The following TLK1 variants were observed in gnomAD, a reference collection of about 807,000 sequenced individuals.
TLK1 encodes serine/threonine-protein kinase tousled-like 1.
In TLK1, 24 loss-of-function variants were observed where a neutral mutation model predicts 105.3. That is an observed-to-expected ratio of 0.23 (90% CI 0.17 to 0.32). The LOEUF is 0.32. Ranked by LOEUF, TLK1 falls within the 10% of genes least tolerant of loss-of-function variation. TLK1 has a pLI of 1.00. For missense variants in TLK1, 558 were observed against 910.5 expected, an observed-to-expected ratio of 0.61 and a Z score of 4.98; for synonymous variants, 321 against 310.4, an observed-to-expected ratio of 1.03 and a Z score of -0.36.
At chr2:171,111,218 T>C (rs1323720303) in intron 2 of TLK1, among the ~76,000 whole-genome samples, 1 of 151,988 alleles carries the variant, frequency 6.6e-6, no homozygotes, top group Non-Finnish European at 1.5e-5. Context: ...TACTAGTAAG[T>C]TTAAAAGCTT....
Position 171,015,748 on chromosome 2 carries a change from C to A in TLK1, c.1237-800G>T, listed in dbSNP as rs192565365. On this transcript the variant is annotated intron_variant, in intron 12 of 20. Coordinates refer to ENST00000431350, the MANE Select transcript of TLK1 (RefSeq NM_012290.5). ...ACACACACACCCACCCCTTTTTTGT[C>A]AATACAAATTTGAATACTACTTAAA... is the stretch of plus-strand genomic sequence containing the variant. 2.4e-3 allele frequency among the ~76,000 whole-genome samples: 368 copies of A among 150,704 alleles called. 3 individuals carry two copies. The highest frequency in any genetic ancestry group is 8.8e-3 in the African/African-American group (361 of 40,926).
rs1255826695 is a variant in TLK1 at position 171,226,490 on chromosome 2, A to G, written c.-6+4655T>C. ...GGGTAATGAGGGCCATGTTTTCCATATAAAACTCACTTCATGAGAATATGA... is the reference window on the plus strand; with the variant it reads ...GGGTAATGAGGGCCATGTTTTCCATGTAAAACTCACTTCATGAGAATATGA... On this transcript the variant is annotated intron_variant, in intron 1 of 20. Coordinates refer to the TLK1 transcript ENST00000521943. Among the ~76,000 whole-genome samples the G allele has an allele frequency of 2.6e-5, 4 of 152,186 alleles. No individual in the cohort carries two copies. In the East Asian group the frequency reaches 7.7e-4, roughly 29 times the overall value.
intron 12 of TLK1, chr2:171,022,791 A>G (rs538878768): frequency 1.3e-5 from 3 of 231,306 alleles, no homozygotes; most frequent in South Asian, 5.8e-5. Flanking sequence ...TAAGGGTTTG[A>G]TAAGTCAGAT....
chr2:171,119,152 C>A (rs1323711312), intron 1 of TLK1, among the ~76,000 whole-genome samples: 1 of 152,156 alleles, frequency 6.6e-6, no homozygotes, highest in African/African-American at 2.4e-5. Flanking sequence ...TAGAAGTCTA[C>A]CTTAGCCTCA....
Position 171,194,710 on chromosome 2 carries a change from C to T in TLK1, c.-6+36435G>A, listed in dbSNP as rs192804452. 7.0e-3 allele frequency among the ~76,000 whole-genome samples: 845 copies of T among 120,054 alleles called. 6 individuals are homozygous for T. Among genetic ancestry groups the T allele is most frequent in the African/African-American group, 0.033 (779 of 23,692 alleles). The allele number at this position is 120,054 out of a possible 152,430, so 78.8% of individuals were successfully genotyped here. A position where few individuals can be genotyped will look rare whatever the true frequency, so the allele number is the denominator to read the frequency against. Reference sequence around the variant, plus strand: ...CGGGCGCCTGTAGTCCCAGCTACTCCGGAGGCTGAGGCAGGAGAATGGCGT... The same window carrying T: ...CGGGCGCCTGTAGTCCCAGCTACTCTGGAGGCTGAGGCAGGAGAATGGCGT... On this transcript the variant is annotated intron_variant, in intron 1 of 20. Coordinates refer to the TLK1 transcript ENST00000521943.
At chr2:171,147,346 C>G (rs544900794) in intron 1 of TLK1, among the ~76,000 whole-genome samples, 112 of 152,306 alleles carry the variant, frequency 7.4e-4, no homozygotes, top group African/African-American at 2.4e-3. Flanking sequence ...ACAACAGTGA[C>G]AACAGAGATT....
chr2:171,224,439 ATT>A (rs139873555), intron 1 of TLK1, among the ~76,000 whole-genome samples: 8,342 of 150,174 alleles, frequency 0.056, 488 homozygotes, highest in East Asian at 0.25. Flanking sequence ...AAATTTCATA[ATT>A]TTTTTTTTCT....
In TLK1 at chr2:171,053,782, T is replaced by C; in HGVS notation, c.711A>G (p.Gly237=). 1 of 1,609,488 alleles carries C rather than the reference T, an allele frequency of 6.2e-7. No individual in the cohort carries two copies. The change falls in exon 8 of 21, where the codon GGA becomes GGG. Residue 237 remains glycine, a synonymous_variant. Transcript: ENST00000431350. ...TTACCCTGAGCAAATCATCTATACG[T>C]CCCTCCTTCTTTTCCAGGTCCTGGA... The part of the protein sequence containing the change: ...NKIQDLEKKE[G]RIDDLLRANC...
intron 3 of TLK1, among the ~76,000 whole-genome samples, chr2:171,068,296 T>G (rs1405563217): frequency 6.6e-6 from 1 of 151,936 alleles, no homozygotes; most frequent in Admixed American, 6.6e-5. Flanking sequence ...GCCATTGCAC[T>G]CCAGCCTGGG....
chr2:171,173,440 T>G (rs1032464089), intron 1 of TLK1, among the ~76,000 whole-genome samples: 1 of 152,040 alleles, frequency 6.6e-6, no homozygotes, highest in Non-Finnish European at 1.5e-5. Context: ...CAGGCTGTAG[T>G]GCACTGGTTT....
chr2:171,146,572 C>T (rs1691800242), intron 1 of TLK1, among the ~76,000 whole-genome samples: 1 of 152,140 alleles, frequency 6.6e-6, no homozygotes, highest in South Asian at 2.1e-4. Flanking sequence ...ATTAACATCA[C>T]TACCATATAT....
chr2:171,163,117 T>A (rs1240248699), upstream of TLK1, among the ~76,000 whole-genome samples: 1 of 152,238 alleles, frequency 6.6e-6, no homozygotes, highest in Non-Finnish European at 1.5e-5. Context: ...CACTCGACAT[T>A]ATTTTTTTGA....
chr2:171,014,918 G>A lies in TLK1; in HGVS notation c.1267C>T (p.Arg423Cys), dbSNP rs200127621. The A allele has an allele frequency of 9.9e-6, 16 of 1,613,764 alleles. No individual in the cohort carries two copies. In the Admixed American group the frequency reaches 1.7e-4, roughly 17 times the overall value. ...EEAEIQAELE[R>C]LERVRNLHIR... ...TGAAGATTTCTGACTCTTTCCAAAC[G>A]TTCAAGTTCTGCCTGGATTTCTGCC... Residue 423 changes from arginine to cysteine, a missense_variant, in exon 13 of 21, where the codon CGT becomes TGT. This residue lies in a region of TLK1 where 218 missense variants were observed against 492.9 expected (regional missense o/e 0.44). Transcript: ENST00000431350.
intron 1 of TLK1, among the ~76,000 whole-genome samples, chr2:171,194,497 A>G (rs906693122): frequency 1.3e-5 from 2 of 152,224 alleles, no homozygotes; most frequent in African/African-American, 4.8e-5. Context: ...GTTCAGTGAA[A>G]TAAAATTTGA....
chr2:171,068,949 A>C (rs1373555090), intron 3 of TLK1, among the ~76,000 whole-genome samples: 1 of 152,196 alleles, frequency 6.6e-6, no homozygotes, highest in Non-Finnish European at 1.5e-5. Flanking sequence ...AATATTTTTT[A>C]AACTAAAGAA....
At chr2:171,105,782 A>G (rs1430799113) in intron 2 of TLK1, among the ~76,000 whole-genome samples, 1 of 152,222 alleles carries the variant, frequency 6.6e-6, no homozygotes, top group Non-Finnish European at 1.5e-5. Context: ...TAGTATAGCC[A>G]TTATGGAAAA....
chr2:171,161,292 C>G (rs1692492039), upstream of TLK1, among the ~76,000 whole-genome samples: 2 of 151,916 alleles, frequency 1.3e-5, no homozygotes, highest in African/African-American at 4.8e-5. Context: ...ACACCCAACA[C>G]GGGGAGAAAT....
chr2:171,034,736 A>G (rs1056583477), intron 11 of TLK1, among the ~76,000 whole-genome samples: 4 of 152,216 alleles, frequency 2.6e-5, no homozygotes, highest in Non-Finnish European at 2.9e-5. Flanking sequence ...CGTATGTTAC[A>G]TAAATTTAAC....
intron 1 of TLK1, among the ~76,000 whole-genome samples, chr2:171,198,593 T>A (rs980156433): frequency 1.2e-4 from 19 of 152,186 alleles, no homozygotes; most frequent in African/African-American, 4.3e-4. Flanking sequence ...TAAGAGCAGC[T>A]GGGACTAGAT....
Sources: allele counts gnomAD v4.1 joint callset (sites outside exome capture counted in the v4.1 genomes callset), GRCh38; gene constraint gnomAD v4.1.1; regional missense constraint gnomAD v4.1.1; transcripts MANE v1.5; gene names NCBI Gene and HGNC (gene_info 2026-07-23, HGNC 2026-07-21).